Variants in BAG2 observed in about 807,000 individuals in gnomAD.
BAG2 encodes BAG cochaperone 2, also known as BAG family molecular chaperone regulator 2.
Under a neutral mutation model 16.4 loss-of-function variants are expected in BAG2, and 8 were observed. That is an observed-to-expected ratio of 0.49 (90% CI 0.29 to 0.88). BAG2 has a LOEUF of 0.88. Ranked by LOEUF, BAG2 falls within the 40% of genes least tolerant of loss-of-function variation. The probability of loss-of-function intolerance (pLI) is 0.09; values close to 1 mark genes in which losing one functional copy is unlikely to be tolerated. For synonymous variants in BAG2, 82 were observed against 89.2 expected (o/e 0.92, Z 0.46); for missense variants, 218 against 248.9 (o/e 0.88, Z 0.84).
intron 1 of BAG2, chr6:57,173,702 A>C (rs1278025139): frequency 4.3e-6 from 1 of 232,448 alleles, no homozygotes; most frequent in African/African-American, 2.3e-5. Context: ...AAATTTTGTG[A>C]GCAGGTGTAG....
Position 57,184,150 on chromosome 6 carries a change from C to G in BAG2, c.596C>G (p.Ser199Cys). 6.4e-7 allele frequency: 1 copy of G among 1,562,692 alleles called. No homozygotes were observed. The highest frequency in any genetic ancestry group is 2.2e-5 in the East Asian group (1 of 44,644). The change falls in exon 3 of 3, where the codon TCC (serine) becomes TGC (cysteine). Residue 199 changes from serine to cysteine, a missense_variant. Transcript: ENST00000370693. ...KLLEHSKGAG[S>C]KTLQQNAESR... ...TTAGAGCATTCTAAAGGAGCTGGTT[C>G]CAAAACTCTGCAACAAAATGCTGAA...
chr6:57,188,597 T>C lies in BAG2; in HGVS notation c.*4407T>C, dbSNP rs962163355. ...AAAGAGGAGAGTAGAGAGTAGAAAATTGAAGAGAGTAGAAAAGATGACTCA... is the reference window on the plus strand; with the variant it reads ...AAAGAGGAGAGTAGAGAGTAGAAAACTGAAGAGAGTAGAAAAGATGACTCA... On this transcript the variant is annotated 3_prime_UTR_variant, in exon 3 of 3. Coordinates refer to ENST00000370693, the MANE Select transcript of BAG2 (RefSeq NM_004282.4). 6.6e-6 allele frequency: 1 copy of C among 152,144 alleles called. No homozygotes were observed. The highest frequency in any genetic ancestry group is 6.5e-5 in the Admixed American group (1 of 15,288). 9.4% of individuals were successfully genotyped at this position (152,144 alleles called of 1,614,324 possible).
chr6:57,180,701 T>C (rs948299119), intron 1 of BAG2, among the ~76,000 whole-genome samples: 2 of 146,988 alleles, frequency 1.4e-5, no homozygotes, highest in Admixed American at 6.8e-5. Flanking sequence ...AGAGAAAATA[T>C]AGGAAAATAG....
chr6:57,182,050 A>C lies in BAG2; in HGVS notation c.132A>C (p.Glu44Asp). ...TCTATAGGGTTGAAGCTTTGAGAGA[A>C]GCAGCAACTGCTGTTGAGCAAGAGA... ...QLELRVEALR[E>D]AATAVEQEKE... Residue 44 changes from glutamate (E) to aspartate (D), a missense_variant, in exon 2 of 3, where the codon GAA (glutamate) becomes GAC (aspartate). Glu to Asp is a conservative substitution (Grantham distance 45). Transcript: ENST00000370693. The C allele has an allele frequency of 6.2e-7, 1 of 1,614,118 alleles. No individual in the cohort carries two copies. The highest frequency in any genetic ancestry group is 8.5e-7 in the Non-Finnish European group (1 of 1,179,990).
intron 1 of BAG2, chr6:57,174,237 G>A: frequency 8.3e-7 from 1 of 1,202,486 alleles, no homozygotes. Flanking sequence ...ATCTCTCCAT[G>A]TCTTCAGAAC....
At chr6:57,181,107 C>T (rs1230177947) in intron 1 of BAG2, among the ~76,000 whole-genome samples, 3 of 152,152 alleles carry the variant, frequency 2.0e-5, no homozygotes, top group Admixed American at 6.5e-5. Context: ...TATGGGGACC[C>T]CTGTGCTTTG....
intron 1 of BAG2, among the ~76,000 whole-genome samples, chr6:57,176,944 C>A (rs1475361673): frequency 1.3e-5 from 2 of 151,964 alleles, no homozygotes; most frequent in African/African-American, 4.8e-5. Context: ...TGAAAAGTGG[C>A]TCTTCACACT....
At chr6:57,172,936 G>C in intron 1 of BAG2, 126 bp downstream of exon 1, 1 of 856,168 alleles carries the variant, frequency 1.2e-6, no homozygotes, top group East Asian at 3.3e-5. Flanking sequence ...GGCAACCGAA[G>C]TTGCTTGTTG....
chr6:57,177,444 T>C (rs1311362066), intron 1 of BAG2, among the ~76,000 whole-genome samples: 1 of 152,148 alleles, frequency 6.6e-6, no homozygotes, highest in African/African-American at 2.4e-5. Context: ...TTAGAAATTA[T>C]TTCTTTCAAA....
At chr6:57,175,252 TATG>T (rs1177905857) in intron 1 of BAG2, among the ~76,000 whole-genome samples, 5 of 152,272 alleles carry the variant, frequency 3.3e-5, no homozygotes, top group Non-Finnish European at 7.3e-5. Context: ...TAAAAAATAC[TATG>T]ATATTACGAT....
intron 1 of BAG2, among the ~76,000 whole-genome samples, chr6:57,178,270 G>C (rs1764343589): frequency 6.6e-6 from 1 of 152,128 alleles, no homozygotes; most frequent in Admixed American, 6.5e-5. Flanking sequence ...GAATTTTCTA[G>C]AACTAATGGA....
At chr6:57,176,363 T>C (rs1764286017) in intron 1 of BAG2, among the ~76,000 whole-genome samples, 1 of 152,194 alleles carries the variant, frequency 6.6e-6, no homozygotes, top group South Asian at 2.1e-4. Flanking sequence ...ATATATCACA[T>C]TTCAAAATAT....
At chr6:57,174,914 T>G (rs1029847798) in intron 1 of BAG2, among the ~76,000 whole-genome samples, 1 of 152,236 alleles carries the variant, frequency 6.6e-6, no homozygotes, top group Non-Finnish European at 1.5e-5. Context: ...GCACTTAATG[T>G]TCCCTAACCA....
At position 57,183,849 on chromosome 6, in the gene BAG2, G is replaced by A; in HGVS notation, c.295G>A (p.Glu99Lys). ...AACTCTCACCGTTGAAGTGTCAGTA[G>A]AAACAATTAGAAACCCCCAGCAGCA... is the stretch of plus-strand genomic sequence containing the variant. ...GRTLTVEVSV[E>K]TIRNPQQQES... Residue 99 changes from glutamate to lysine, a missense_variant, in exon 3 of 3, where the codon GAA becomes AAA. By Grantham distance (56) the Glu-to-Lys change is moderately conservative. Coordinates refer to ENST00000370693, the MANE Select transcript of BAG2 (RefSeq NM_004282.4). The A allele has an allele frequency of 6.2e-7, 1 of 1,613,920 alleles. No individual in the cohort carries two copies. Among genetic ancestry groups the A allele is most frequent in the Non-Finnish European group, 8.5e-7 (1 of 1,179,924 alleles).
rs769775538 is a variant in BAG2, at chr6:57,186,036, T to G, written c.*1846T>G. 1.3e-5 allele frequency: 2 copies of G among 152,156 alleles called. No individual in the cohort carries two copies. The highest frequency in any genetic ancestry group is 2.9e-5 in the Non-Finnish European group (2 of 68,036). The allele number at this position is 152,156 out of a possible 1,614,324, so 9.4% of individuals were successfully genotyped here. On this transcript the variant is annotated 3_prime_UTR_variant, in exon 3 of 3. Coordinates refer to ENST00000370693, the MANE Select transcript of BAG2 (RefSeq NM_004282.4). The stretch of plus-strand genomic sequence containing the variant: ...ACATTTCCAAGCTGCTTGGGGTCCC[T>G]GGTTTACAGTGTCTCCAGCATTCTG...
At chr6:57,172,913 A>G in intron 1 of BAG2, 103 bp downstream of exon 1, 2 of 1,023,808 alleles carry the variant, frequency 2.0e-6, no homozygotes, top group East Asian at 3.2e-5. Context: ...GGCCTGGGGC[A>G]CAGTGAGGCT....
chr6:57,182,060 G>A lies in BAG2; in HGVS notation c.142G>A (p.Ala48Thr). The A allele has an allele frequency of 6.2e-7, 1 of 1,614,122 alleles. No individual in the cohort carries two copies. Among genetic ancestry groups the A allele is most frequent in the Non-Finnish European group, 8.5e-7 (1 of 1,180,010 alleles). The change falls in exon 2 of 3, where the codon GCT (alanine) becomes ACT (threonine). Residue 48 changes from alanine to threonine, a missense_variant. Ala to Thr is a moderately conservative substitution (Grantham distance 58). Around this residue, in one of 3 missense-constraint regions of BAG2, gnomAD observed 75 missense variants for 63.1 expected, o/e 1.19. Transcript: ENST00000370693. ...TGAAGCTTTGAGAGAAGCAGCAACT[G>A]CTGTTGAGCAAGAGAAAGAAATCCT... Reference protein sequence around the residue: ...RVEALREAATAVEQEKEILLE... With the variant: ...RVEALREAATTVEQEKEILLE...
rs1450170838 is a variant in BAG2, at chr6:57,184,064, TAAGAG to T, written c.515_519del (p.Arg172IlefsTer6). On this transcript the variant is annotated frameshift_variant, in exon 3 of 3. Coordinates refer to ENST00000370693, the MANE Select transcript of BAG2 (RefSeq NM_004282.4). LOFTEE classifies it high-confidence loss of function. ...GTGCTCTTGAAGATCAGAAGAAAAT[TAAGAG>T]AAGATTAGAGACTCTGCTTAGAAAT... 3 of 1,612,566 alleles carry T rather than the reference TAAGAG, an allele frequency of 1.9e-6. No homozygotes were observed. Among genetic ancestry groups the T allele is most frequent in the East Asian group, 2.2e-5 (1 of 44,884 alleles).
chr6:57,175,435 C>A (rs1227299947), intron 1 of BAG2, among the ~76,000 whole-genome samples: 2 of 151,868 alleles, frequency 1.3e-5, no homozygotes, highest in Admixed American at 1.3e-4. Flanking sequence ...TCTCTCTGAC[C>A]TTCTTTCACC....
Sources: allele counts gnomAD v4.1 joint callset (sites outside exome capture counted in the v4.1 genomes callset), GRCh38; gene constraint gnomAD v4.1.1; regional missense constraint gnomAD v4.1.1; transcripts MANE v1.5; gene names NCBI Gene and HGNC (gene_info 2026-07-23, HGNC 2026-07-21).